The following FAM13C variants were observed in gnomAD, a reference collection of about 807,000 sequenced individuals.
FAM13C encodes the protein family with sequence similarity 13 member C, also known as protein FAM13C.
A neutral mutation model predicts 73.2 loss-of-function variants in FAM13C; 37 were observed. The ratio of observed to expected loss-of-function variants is 0.51; its 90% CI spans 0.39 to 0.67. FAM13C has a LOEUF of 0.67. FAM13C is among the 30% of genes least tolerant of loss of function. The pLI is 0.00. For missense variants in FAM13C, 589 were observed against 715.6 expected (o/e 0.82, Z 2.02); for synonymous variants, 246 against 260.9 (o/e 0.94, Z 0.55).
rs866127193 is a variant in FAM13C, at chr10:59,319,121, T to A, written c.443+4867A>T. 2.9e-3 allele frequency among the ~76,000 whole-genome samples: 354 copies of A among 123,902 alleles called. 2 individuals are homozygous for A. Among genetic ancestry groups the A allele is most frequent in the African/African-American group, 0.012 (347 of 28,340 alleles). The allele number at this position is 123,902 out of a possible 152,430, so 81.3% of individuals were successfully genotyped here. A position where few individuals can be genotyped will look rare whatever the true frequency, so the allele number is the denominator to read the frequency against. On this transcript the variant is annotated intron_variant, in intron 4 of 13. Coordinates refer to ENST00000618804, the MANE Select transcript of FAM13C (RefSeq NM_198215.4). ...CACACACACACACACACACACACATTGTCTATCTCAAAAACAAAAGATGAA... is the reference window on the plus strand; with the variant it reads ...CACACACACACACACACACACACATAGTCTATCTCAAAAACAAAAGATGAA...
At chr10:59,276,552 C>G (rs929153420) in intron 6 of FAM13C, among the ~76,000 whole-genome samples, 2 of 152,138 alleles carry the variant, frequency 1.3e-5, no homozygotes, top group African/African-American at 4.8e-5. Flanking sequence ...GAGTAAATAA[C>G]CTGTCCCAAA....
chr10:59,356,131 G>A (rs1855687505), intron 1 of FAM13C, among the ~76,000 whole-genome samples, 188 bp from the exon 2 acceptor site: 1 of 152,130 alleles, frequency 6.6e-6, no homozygotes, highest in Non-Finnish European at 1.5e-5. Flanking sequence ...CATATCATGT[G>A]AGCTTAAAAG....
At chr10:59,354,588 C>T (rs1260605711) in intron 2 of FAM13C, among the ~76,000 whole-genome samples, 1 of 152,152 alleles carries the variant, frequency 6.6e-6, no homozygotes, top group South Asian at 2.1e-4. Flanking sequence ...AGAGATAATA[C>T]AGTCTCTCTG....
chr10:59,336,787 G>T (rs1342742014), intron 3 of FAM13C, among the ~76,000 whole-genome samples: 1 of 152,190 alleles, frequency 6.6e-6, no homozygotes, highest in East Asian at 1.9e-4. Flanking sequence ...AGTCTCCTCA[G>T]CTGTTAGAAC....
chr10:59,362,605 C>T, upstream of FAM13C: 1 of 1,483,720 alleles, frequency 6.7e-7, no homozygotes, highest in East Asian at 2.5e-5. Flanking sequence ...ATGCTCGTAA[C>T]GACACCCCCA....
intron 5 of FAM13C, 99 bp downstream of exon 5, chr10:59,302,702 A>T: frequency 8.8e-7 from 1 of 1,141,190 alleles, no homozygotes; most frequent in East Asian, 2.4e-5. Flanking sequence ...CAAAAATACT[A>T]AGTTTTCATG....
intron 13 of FAM13C, 120 bp from the exon 14 acceptor site, chr10:59,247,857 GTCT>G: frequency 1.1e-6 from 1 of 908,230 alleles, no homozygotes; most frequent in Non-Finnish European, 1.6e-6. Context: ...TTTGCATCAT[GTCT>G]TCTTTTCCTT....
At chr10:59,266,366 G>A (rs1843066159) in intron 8 of FAM13C, among the ~76,000 whole-genome samples, 1 of 152,040 alleles carries the variant, frequency 6.6e-6, no homozygotes, top group Admixed American at 6.6e-5. Context: ...GTGATACATG[G>A]GTATCAAAAT....
At chr10:59,358,754 A>T (rs1200252882) in intron 1 of FAM13C, among the ~76,000 whole-genome samples, 1 of 152,182 alleles carries the variant, frequency 6.6e-6, no homozygotes, top group Non-Finnish European at 1.5e-5. Flanking sequence ...AAAAATGGAA[A>T]CTTGGCACCA....
At chr10:59,323,931 G>A in intron 4 of FAM13C, 57 bp downstream of exon 4, 2 of 1,359,280 alleles carry the variant, frequency 1.5e-6, no homozygotes, top group Non-Finnish European at 2.0e-6. Context: ...CAAGCACACA[G>A]CATTTCTGAG....
At chr10:59,311,060 A>G (rs1589559450) in intron 4 of FAM13C, among the ~76,000 whole-genome samples, 2 of 152,176 alleles carry the variant, frequency 1.3e-5, no homozygotes, top group African/African-American at 4.8e-5. Flanking sequence ...CAGGGAACAC[A>G]TTCCCAAAGA....
chr10:59,319,313 G>A (rs543905950), intron 4 of FAM13C, among the ~76,000 whole-genome samples: 1 of 152,258 alleles, frequency 6.6e-6, no homozygotes, highest in South Asian at 2.1e-4. Flanking sequence ...ATGGGAATCT[G>A]GATGAAGAGG....
intron 6 of FAM13C, among the ~76,000 whole-genome samples, chr10:59,281,700 G>C (rs1844939346): frequency 6.6e-6 from 1 of 152,186 alleles, no homozygotes; most frequent in Non-Finnish European, 1.5e-5. Context: ...GTGATAATAA[G>C]CTTGTACAAA....
chr10:59,260,614 T>C (rs1047659228), intron 10 of FAM13C, among the ~76,000 whole-genome samples: 2 of 152,210 alleles, frequency 1.3e-5, no homozygotes, highest in African/African-American at 4.8e-5. Flanking sequence ...TCAAATATCC[T>C]GCATAGTACT....
rs1842625644 is a variant in FAM13C at position 59,262,641 on chromosome 10, T to G, written c.1029A>C (p.Leu343=). The change falls in exon 10 of 14, where the codon CTA becomes CTC. Residue 343 remains leucine, a synonymous_variant. Transcript: ENST00000618804. ...LAKGRKQLKE[L]KLKLSEEQGS... Reference sequence around the variant, plus strand: ...CTTGTTCTTCTGACAGCTTTAGCTTTAGTTCTAAGAGAAATGCTATGAGTT... The same window carrying G: ...CTTGTTCTTCTGACAGCTTTAGCTTGAGTTCTAAGAGAAATGCTATGAGTT... 6.2e-7 allele frequency: 1 copy of G among 1,612,996 alleles called. No individual in the cohort carries two copies. The highest frequency in any genetic ancestry group is 1.3e-5 in the African/African-American group (1 of 74,850).
chr10:59,310,568 TA>T (rs1351072731), intron 4 of FAM13C, among the ~76,000 whole-genome samples: 1 of 150,528 alleles, frequency 6.6e-6, no homozygotes, highest in Admixed American at 6.6e-5. Context: ...CTTCAAAGAC[TA>T]AAAAAAAACC....
chr10:59,296,633 T>C (rs1460245545), intron 5 of FAM13C, among the ~76,000 whole-genome samples: 1 of 152,238 alleles, frequency 6.6e-6, no homozygotes, highest in African/African-American at 2.4e-5. Flanking sequence ...ATCTGTTGCA[T>C]GCTAGTAATT....
chr10:59,313,661 A>G (rs1465122037), intron 4 of FAM13C, among the ~76,000 whole-genome samples: 2 of 152,210 alleles, frequency 1.3e-5, no homozygotes, highest in Non-Finnish European at 2.9e-5. Context: ...TTTTGGTTCA[A>G]CTAGAGGGAA....
intron 8 of FAM13C, among the ~76,000 whole-genome samples, chr10:59,266,221 G>A (rs284620): frequency 0.99 from 150,635 of 152,316 alleles, 74,504 homozygotes; most frequent in Middle Eastern, 1. Context: ...TTCCACTGAA[G>A]GTAGACGTGT....
Sources: gnomAD v4.1 joint callset for allele counts (sites outside exome capture counted in the v4.1 genomes callset) on GRCh38, gnomAD v4.1.1 for gene constraint, MANE v1.5 for transcripts, NCBI Gene and HGNC (gene_info 2026-07-23, HGNC 2026-07-21) for gene names.